Variants in NOD1 observed in about 807,000 individuals in gnomAD.
NOD1 encodes nucleotide-binding oligomerization domain-containing protein 1.
In NOD1, 70 loss-of-function variants were observed where a neutral mutation model predicts 81.2. That is an observed-to-expected ratio of 0.86 (90% CI 0.71 to 1.05). NOD1 has a LOEUF of 1.05. NOD1 is among the 50% of genes least tolerant of loss of function. The pLI is 0.00. For synonymous variants in NOD1, 508 were observed against 526.9 expected, an observed-to-expected ratio of 0.96 and a Z score of 0.49; for missense variants, 1,233 against 1,228.0, an observed-to-expected ratio of 1.00 and a Z score of -0.06.
At chr7:30,427,339 A>C (rs1783542087) in intron 13 of NOD1, among the ~76,000 whole-genome samples, 1 of 152,186 alleles carries the variant, frequency 6.6e-6, no homozygotes. Context: ...TTCAGAAAGG[A>C]ATGAGGTAGA....
rs1562644470 is a variant in NOD1 at position 30,425,111 on chromosome 7, T to G, written c.*527A>C. ...GCACATACTCCGGTGTCTCCAGCTG[T>G]GAAGTGGGACCAGTATCAATACATG... On this transcript the variant is annotated 3_prime_UTR_variant, in exon 14 of 14. Transcript: ENST00000222823. 6.5e-6 allele frequency: 1 copy of G among 154,654 alleles called. No individual in the cohort carries two copies. The highest frequency in any genetic ancestry group is 1.4e-5 in the Non-Finnish European group (1 of 69,698). 9.6% of individuals were successfully genotyped at this position (154,654 alleles called of 1,614,324 possible).
intron 1 of NOD1, among the ~76,000 whole-genome samples, chr7:30,470,159 T>C (rs1401105174): frequency 1.3e-5 from 2 of 152,272 alleles, no homozygotes; most frequent in Non-Finnish European, 2.9e-5. Flanking sequence ...AATAATGCTC[T>C]CTTCTGTGCT....
At chr7:30,463,719 AC>A (rs1449225339) in intron 1 of NOD1, 27 of 149,064 alleles carry the variant, frequency 1.8e-4, no homozygotes, top group Non-Finnish European at 3.4e-4. Flanking sequence ...AAAAAAAAAA[AC>A]ATTTTATAAA....
At chr7:30,439,249 G>GACATTTGTATGCCCATGT (rs1784656577) in intron 9 of NOD1, among the ~76,000 whole-genome samples, 5 of 151,284 alleles carry the variant, frequency 3.3e-5, no homozygotes, top group African/African-American at 1.2e-4. Context: ...ATTGGAGGGA[G>GACATTTGTATGCCCATGT]GAGCCAAGAT....
chr7:30,469,323 T>C, intron 1 of NOD1: 1 of 829,584 alleles, frequency 1.2e-6, no homozygotes, highest in Non-Finnish European at 1.5e-6. Flanking sequence ...TGAAAGCACT[T>C]AATCCCTCAG....
chr7:30,451,461 G>T lies in NOD1; in HGVS notation c.1956C>A (p.Phe652Leu), dbSNP rs1456236016. The T allele has an allele frequency of 8.7e-6, 14 of 1,613,478 alleles. No homozygotes were observed. The highest frequency in any genetic ancestry group is 1.1e-5 in the Non-Finnish European group (13 of 1,180,006). The part of the protein sequence containing the change: ...SFNQVQAMPT[F>L]IWMLRCIYET... The stretch of plus-strand genomic sequence containing the variant: ...CGTAGATGCAGCGCAGCATCCAGAT[G>T]AACGTGGGCATGGCCTGCACCTGGT... Residue 652 changes from phenylalanine (F) to leucine (L), a missense_variant, in exon 6 of 14, where the codon TTC becomes TTA. Coordinates refer to ENST00000222823, the MANE Select transcript of NOD1 (RefSeq NM_006092.4). The surrounding 1 kb of genome is among the most constrained non-coding windows in gnomAD (Gnocchi z 4.2).
At chr7:30,476,152 A>G (rs1788755411) in intron 1 of NOD1, among the ~76,000 whole-genome samples, 1 of 152,216 alleles carries the variant, frequency 6.6e-6, no homozygotes. Flanking sequence ...AGTAACTTAA[A>G]CCTTAAATCC....
chr7:30,460,606 T>C, intron 1 of NOD1: 1 of 985,026 alleles, frequency 1.0e-6, no homozygotes, highest in Non-Finnish European at 1.2e-6. Flanking sequence ...GAACAAAAGA[T>C]GGATCACCAA....
intron 12 of NOD1, among the ~76,000 whole-genome samples, chr7:30,430,890 C>A (rs1186613638): frequency 3.3e-5 from 5 of 152,236 alleles, no homozygotes; most frequent in Non-Finnish European, 5.9e-5. Flanking sequence ...GGTTCAATGG[C>A]AGAGGTAATG....
chr7:30,450,936 A>G (rs992272867), intron 6 of NOD1, among the ~76,000 whole-genome samples: 5 of 152,160 alleles, frequency 3.3e-5, no homozygotes, highest in Admixed American at 3.3e-4. Context: ...CTGTGGCCAT[A>G]ATTGATAGGA....
chr7:30,452,782 A>G lies in NOD1; in HGVS notation c.635T>C (p.Leu212Pro). The G allele has an allele frequency of 6.2e-7, 1 of 1,614,144 alleles. No homozygotes were observed. The highest frequency in any genetic ancestry group is 8.5e-7 in the Non-Finnish European group (1 of 1,180,040). The change falls in exon 6 of 14, where the codon CTA becomes CCA. Residue 212 changes from leucine to proline, a missense_variant. Physicochemically the swap from Leu to Pro is moderately conservative, Grantham distance 98 (BLOSUM62 -3). Transcript: ENST00000222823. ...GGCCCAGAGGCTCTGCAGCCGCTGT[A>G]GCAGCATGGACTTGCCCACCCCAGC... ...GDAGVGKSML[L>P]QRLQSLWATG...
At chr7:30,455,435 C>T in intron 4 of NOD1, 124 bp from the exon 5 acceptor site, 1 of 675,028 alleles carries the variant, frequency 1.5e-6, no homozygotes, top group South Asian at 2.0e-5. Context: ...TATGCCATCC[C>T]CCCAGCTGCT....
At chr7:30,445,634 C>T (rs967027388) in intron 9 of NOD1, among the ~76,000 whole-genome samples, 3 of 151,710 alleles carry the variant, frequency 2.0e-5, no homozygotes, top group Admixed American at 1.3e-4. Context: ...TGGCGGGTGC[C>T]TATAATCCCA....
intron 10 of NOD1, among the ~76,000 whole-genome samples, chr7:30,436,636 C>G (rs531542266): frequency 4.6e-5 from 7 of 152,186 alleles, no homozygotes; most frequent in Non-Finnish European, 8.8e-5. Context: ...AAGGAAGGGG[C>G]AGGAATCTGC....
At chr7:30,439,556 G>A (rs1252470262) in intron 9 of NOD1, among the ~76,000 whole-genome samples, 10 of 90,926 alleles carry the variant, frequency 1.1e-4, no homozygotes, top group Admixed American at 5.5e-4. Context: ...ACCGGCTTAA[G>A]AAACGGCGCA....
At chr7:30,427,597 C>T (rs1783566141) in intron 13 of NOD1, among the ~76,000 whole-genome samples, 1 of 152,182 alleles carries the variant, frequency 6.6e-6, no homozygotes. Flanking sequence ...TGAAGACACT[C>T]CCAAGACCAG....
chr7:30,452,886 C>G lies in NOD1; in HGVS notation c.531G>C (p.Leu177=). ...VGFSNESLGS[L]NSLACLLDHT... The stretch of plus-strand genomic sequence containing the variant: ...GGTCCAGGAGGCAGGCCAGGCTGTT[C>G]AGGCTGCCCAGGCTCTCATTGCTGA... Residue 177 remains leucine (L), a synonymous_variant, in exon 6 of 14, where the codon CTG becomes CTC. Coordinates refer to ENST00000222823, the MANE Select transcript of NOD1 (RefSeq NM_006092.4). 1 of 1,614,072 alleles carries G rather than the reference C, an allele frequency of 6.2e-7. No homozygotes were observed. Among genetic ancestry groups the G allele is most frequent in the Non-Finnish European group, 8.5e-7 (1 of 1,180,036 alleles).
At chr7:30,429,753 C>T (rs950669648) in intron 12 of NOD1, among the ~76,000 whole-genome samples, 5 of 152,070 alleles carry the variant, frequency 3.3e-5, no homozygotes, top group Admixed American at 6.6e-5. Context: ...TATTTGGGGC[C>T]GGGTGCAGTG....
At chr7:30,433,247 G>T (rs1784098357) in intron 11 of NOD1, 68 bp from the exon 12 acceptor site, 5 of 1,257,620 alleles carry the variant, frequency 4.0e-6, no homozygotes, top group Non-Finnish European at 5.8e-6. Context: ...AGAGTTCACA[G>T]GAGCGGGAGC....
Sources: allele counts gnomAD v4.1 joint callset (sites outside exome capture counted in the v4.1 genomes callset), GRCh38; gene constraint gnomAD v4.1.1; non-coding constraint Gnocchi (gnomAD v3.1); transcripts MANE v1.5; gene names NCBI Gene and HGNC (gene_info 2026-07-23, HGNC 2026-07-21).